The following IL1RAPL2 variants were observed in gnomAD, a reference collection of about 807,000 sequenced individuals.
IL1RAPL2 encodes interleukin 1 receptor accessory protein like 2.
IL1RAPL2 carries 3 observed loss-of-function variants against 44.1 expected under a neutral mutation model. The ratio of observed to expected loss-of-function variants is 0.07; its 90% CI spans 0.03 to 0.18. The LOEUF (loss-of-function observed/expected upper bound fraction) is 0.18, where lower values mean the gene tolerates loss of function less well. Ranked by LOEUF, IL1RAPL2 falls within the 10% of genes least tolerant of loss-of-function variation. IL1RAPL2 has a pLI of 1.00. For missense variants in IL1RAPL2, 391 were observed against 496.4 expected, an observed-to-expected ratio of 0.79 and a Z score of 2.02; for synonymous variants, 181 against 178.8, an observed-to-expected ratio of 1.01 and a Z score of -0.10.
chrX:105,332,606 T>A (rs2034995493), intron 5 of IL1RAPL2, among the ~76,000 whole-genome samples: 1 of 111,594 alleles, frequency 9.0e-6, no homozygotes, highest in Non-Finnish European at 1.9e-5. Context: ...TATAATCTTA[T>A]ATTTGGAAAA....
chrX:105,388,148 C>CAAAAAAAAAA, intron 5 of IL1RAPL2, among the ~76,000 whole-genome samples: 1 of 5,386 alleles, frequency 1.9e-4, no homozygotes, highest in Non-Finnish European at 5.5e-4. Context: ...AACTCCATCT[C>CAAAAAAAAAA]AAAAAAAAAA....
chrX:104,741,286 C>T (rs182482344), intron 2 of IL1RAPL2, among the ~76,000 whole-genome samples: 2 of 110,845 alleles, frequency 1.8e-5, no homozygotes, highest in East Asian at 5.7e-4. Context: ...GAAAAATAAG[C>T]CCAAGTGCTA....
At chrX:105,169,616 C>T (rs1445319484) in intron 2 of IL1RAPL2, among the ~76,000 whole-genome samples, 1 of 102,851 alleles carries the variant, frequency 9.7e-6, no homozygotes, top group Non-Finnish European at 2.0e-5. Flanking sequence ...GCAACCTCCA[C>T]TTCCCAGGTT....
At chrX:104,584,261 G>A (rs1262110805) in intron 1 of IL1RAPL2, among the ~76,000 whole-genome samples, 2 of 111,241 alleles carry the variant, frequency 1.8e-5, no homozygotes, top group Non-Finnish European at 3.8e-5. Context: ...GAAGGGACAT[G>A]CTCAAGGTTA....
intron 2 of IL1RAPL2, among the ~76,000 whole-genome samples, chrX:104,920,508 A>C (rs1249933884): frequency 1.3e-5 from 1 of 74,677 alleles, no homozygotes; most frequent in Non-Finnish European, 2.6e-5. Context: ...TGGTTATTTA[A>C]AAGTGTGTGG....
chrX:105,502,085 G>A (rs1439747844), intron 6 of IL1RAPL2, among the ~76,000 whole-genome samples: 1 of 111,895 alleles, frequency 8.9e-6, no homozygotes, highest in Admixed American at 9.5e-5. Flanking sequence ...TAAGAATATT[G>A]TCTAAAACAA....
At chrX:104,693,357 A>T (rs1458333360) in intron 2 of IL1RAPL2, among the ~76,000 whole-genome samples, 1 of 111,452 alleles carries the variant, frequency 9.0e-6, no homozygotes, top group African/African-American at 3.3e-5. Flanking sequence ...TACCCTGTCT[A>T]TCCATATCAG....
At chrX:104,660,172 A>G (rs2148024057) in intron 2 of IL1RAPL2, among the ~76,000 whole-genome samples, 1 of 111,417 alleles carries the variant, frequency 9.0e-6, no homozygotes, top group East Asian at 2.8e-4. Flanking sequence ...ATTTGTGTTT[A>G]ATATTTTACC....
intron 6 of IL1RAPL2, among the ~76,000 whole-genome samples, chrX:105,606,772 T>C (rs1321067490): frequency 9.0e-6 from 1 of 111,567 alleles, no homozygotes; most frequent in African/African-American, 3.2e-5. Flanking sequence ...GAGATAAATA[T>C]GTCAAGTGAA....
chrX:105,540,270 T>C (rs368306631), intron 6 of IL1RAPL2, among the ~76,000 whole-genome samples: 4 of 111,849 alleles, frequency 3.6e-5, no homozygotes, highest in East Asian at 5.6e-4. Flanking sequence ...ACAATAGCAA[T>C]GACATGGAAT....
At chrX:104,866,470 C>A (rs763303695) in intron 2 of IL1RAPL2, among the ~76,000 whole-genome samples, 9 of 112,029 alleles carry the variant, frequency 8.0e-5, no homozygotes, top group African/African-American at 2.9e-4. Flanking sequence ...ATTTGGCATA[C>A]CACCTCTTTT....
At chrX:104,568,404 CAA>C (rs1316243240) in intron 1 of IL1RAPL2, among the ~76,000 whole-genome samples, 1 of 111,345 alleles carries the variant, frequency 9.0e-6, no homozygotes, top group East Asian at 2.9e-4. Context: ...GTTTTTGGGA[CAA>C]GTGTCTGGGA....
intron 5 of IL1RAPL2, among the ~76,000 whole-genome samples, chrX:105,312,174 C>T (rs920737831): frequency 2.7e-5 from 3 of 110,922 alleles, no homozygotes; most frequent in African/African-American, 9.8e-5. Flanking sequence ...AAAATTTGAC[C>T]CAACATGGAA....
At chrX:104,995,190 C>T (rs900731622) in intron 2 of IL1RAPL2, among the ~76,000 whole-genome samples, 2 of 111,489 alleles carry the variant, frequency 1.8e-5, no homozygotes, top group African/African-American at 6.5e-5. Flanking sequence ...CTCTTTGTTT[C>T]TAGTTACTCT....
intron 1 of IL1RAPL2, among the ~76,000 whole-genome samples, chrX:104,607,505 T>A (rs1261154681): frequency 9.0e-6 from 1 of 111,603 alleles, no homozygotes; most frequent in Non-Finnish European, 1.9e-5. Context: ...AACGCTAATA[T>A]CCAGAATCTA....
At chrX:105,150,172 G>A (rs2033214746) in intron 2 of IL1RAPL2, among the ~76,000 whole-genome samples, 1 of 111,490 alleles carries the variant, frequency 9.0e-6, no homozygotes, top group Admixed American at 9.6e-5. Flanking sequence ...AAGAACTAGA[G>A]CATGCAAATA....
chrX:104,719,611 G>T (rs1200765920), intron 2 of IL1RAPL2, among the ~76,000 whole-genome samples: 1 of 111,460 alleles, frequency 9.0e-6, no homozygotes, highest in Non-Finnish European at 1.9e-5. Context: ...TAGGGTTGAG[G>T]TCAAACCTAT....
At chrX:105,739,505 C>A (rs1394395520) in intron 7 of IL1RAPL2, among the ~76,000 whole-genome samples, 2 of 73,049 alleles carry the variant, frequency 2.7e-5, no homozygotes, top group Non-Finnish European at 5.1e-5. Flanking sequence ...CCCCTCCCCC[C>A]ACCCCACAAC....
chrX:105,500,470 T>C (rs1391832586), intron 6 of IL1RAPL2, among the ~76,000 whole-genome samples: 1 of 111,439 alleles, frequency 9.0e-6, no homozygotes, highest in Admixed American at 9.5e-5. Flanking sequence ...GTGCCAACAA[T>C]GCTTAGAGAT....
Sources: gnomAD v4.1 joint callset for allele counts (sites outside exome capture counted in the v4.1 genomes callset) on GRCh38, gnomAD v4.1.1 for gene constraint, MANE v1.5 for transcripts, NCBI Gene and HGNC (gene_info 2026-07-23, HGNC 2026-07-21) for gene names.